Variants in TSEN15 observed in about 807,000 individuals in gnomAD.
TSEN15 encodes tRNA-splicing endonuclease subunit Sen15.
Under a neutral mutation model 20.5 loss-of-function variants are expected in TSEN15, and 10 were observed. That is an observed-to-expected ratio of 0.49 (90% CI 0.30 to 0.83). The LOEUF (loss-of-function observed/expected upper bound fraction) is 0.83. Among genes scored for constraint, TSEN15 ranks in the 40% least tolerant of loss-of-function variants. The pLI is 0.06. For missense variants in TSEN15, 180 were observed against 218.6 expected, an observed-to-expected ratio of 0.82 and a Z score of 1.11; for synonymous variants, 72 against 80.1, an observed-to-expected ratio of 0.90 and a Z score of 0.54.
chr1:184,061,389 G>A (rs1332611356), intron 3 of TSEN15, among the ~76,000 whole-genome samples: 2 of 152,096 alleles, frequency 1.3e-5, no homozygotes, highest in Non-Finnish European at 2.9e-5. Flanking sequence ...AGCATACACA[G>A]CTGTAGAGCC....
intron 3 of TSEN15, among the ~76,000 whole-genome samples, chr1:184,067,197 G>C (rs1650698756): frequency 7.0e-6 from 1 of 143,698 alleles, no homozygotes. Flanking sequence ...AGTAAACCCT[G>C]TCAATTCCTT....
At chr1:184,071,910 G>C (rs1650896223) in intron 3 of TSEN15, 1 of 383,902 alleles carries the variant, frequency 2.6e-6, no homozygotes, top group Non-Finnish European at 4.6e-6. Flanking sequence ...AACAATTTTG[G>C]AAAACTGTCA....
intron 3 of TSEN15, 52 bp from the exon 4 acceptor site, chr1:184,072,105 T>C: frequency 1.3e-6 from 2 of 1,575,502 alleles, no homozygotes; most frequent in South Asian, 2.4e-5. Flanking sequence ...CTGTCACATC[T>C]CATCTAATTG....
intron 3 of TSEN15, among the ~76,000 whole-genome samples, chr1:184,067,091 A>G (rs1011006226): frequency 2.0e-5 from 3 of 152,222 alleles, no homozygotes; most frequent in Non-Finnish European, 2.9e-5. Flanking sequence ...ATAGGAATAC[A>G]GTGGACTTTT....
At chr1:184,089,443 C>A (rs901275005) in intron 3 of TSEN15, among the ~76,000 whole-genome samples, 1 of 151,902 alleles carries the variant, frequency 6.6e-6, no homozygotes, top group African/African-American at 2.4e-5. Context: ...TGAGACCCTT[C>A]CCCCTTTTAG....
intron 3 of TSEN15, among the ~76,000 whole-genome samples, chr1:184,092,874 C>T (rs1213163012): frequency 2.0e-5 from 3 of 152,216 alleles, no homozygotes; most frequent in Non-Finnish European, 4.4e-5. Flanking sequence ...GACCTGAAAG[C>T]ACCGTTGTGT....
At chr1:184,068,447 G>C (rs1463002594) in intron 3 of TSEN15, among the ~76,000 whole-genome samples, 1 of 152,082 alleles carries the variant, frequency 6.6e-6, no homozygotes, top group East Asian at 1.9e-4. Flanking sequence ...CCTTCCCTCT[G>C]CTAGAAATCT....
At chr1:184,060,527 G>C (rs576530870) in intron 3 of TSEN15, among the ~76,000 whole-genome samples, 1 of 152,342 alleles carries the variant, frequency 6.6e-6, no homozygotes, top group East Asian at 1.9e-4. Context: ...GCAAGGAAGT[G>C]AGACTATTGT....
intron 3 of TSEN15, among the ~76,000 whole-genome samples, chr1:184,079,557 C>T (rs759938933): frequency 6.6e-6 from 1 of 151,890 alleles, no homozygotes; most frequent in African/African-American, 2.4e-5. Context: ...TGGGGCATGG[C>T]GAGATTGAGA....
At chr1:184,083,320 C>T (rs1261110459) in intron 3 of TSEN15, among the ~76,000 whole-genome samples, 2 of 152,158 alleles carry the variant, frequency 1.3e-5, no homozygotes, top group Non-Finnish European at 2.9e-5. Context: ...CATGCTTATG[C>T]TACAAGATCC....
At chr1:184,056,108 C>T (rs1387753516) in intron 3 of TSEN15, among the ~76,000 whole-genome samples, 2 of 152,140 alleles carry the variant, frequency 1.3e-5, no homozygotes, top group East Asian at 3.8e-4. Context: ...ATTTTTACAT[C>T]CACTCCCTCG....
At position 184,054,729 on chromosome 1, in the gene TSEN15, C is replaced by A; in HGVS notation, c.219C>A (p.Ser73Arg). The A allele has an allele frequency of 6.2e-7, 1 of 1,610,692 alleles. No individual in the cohort carries two copies. Among genetic ancestry groups the A allele is most frequent in the Non-Finnish European group, 8.5e-7 (1 of 1,179,370 alleles). Residue 73 changes from serine (S) to arginine (R), a missense_variant and splice_region_variant, in exon 3 of 5, where the codon AGC (serine) becomes AGA (arginine). Ser to Arg is a moderately radical substitution (Grantham distance 110). Transcript: ENST00000645668. The part of the protein sequence containing the change: ...AFLVYLDLME[S>R]KSWHEVNCVG... ...GTCCATTCAATGATGCTCTTTCAGG[C>A]AAAAGCTGGCATGAAGTAAACTGTG...
chr1:184,071,106 A>G (rs1650865668), intron 3 of TSEN15: 1 of 152,266 alleles, frequency 6.6e-6, no homozygotes, highest in South Asian at 2.1e-4. Flanking sequence ...TAATTGATTC[A>G]TATAATAATC....
At chr1:184,067,913 ACTCT>A (rs1294075479) in intron 3 of TSEN15, among the ~76,000 whole-genome samples, 1 of 117,360 alleles carries the variant, frequency 8.5e-6, no homozygotes, top group African/African-American at 3.5e-5. Flanking sequence ...ACAGAGCGAG[ACTCT>A]CTCTCTCAAA....
intron 3 of TSEN15, among the ~76,000 whole-genome samples, chr1:184,069,606 CAT>C (rs1377537731): frequency 6.6e-6 from 1 of 152,016 alleles, no homozygotes; most frequent in Non-Finnish European, 1.5e-5. Context: ...TCTTTACAAT[CAT>C]ATGTGGTTTT....
At chr1:184,070,592 CT>C in intron 3 of TSEN15, 2 of 1,113,792 alleles carry the variant, frequency 1.8e-6, no homozygotes, top group Non-Finnish European at 2.4e-6. Context: ...AAAAATGTAT[CT>C]TTTTCTATTA....
At chr1:184,092,837 AC>A (rs1651384379) in intron 3 of TSEN15, among the ~76,000 whole-genome samples, 1 of 152,086 alleles carries the variant, frequency 6.6e-6, no homozygotes, top group African/African-American at 2.4e-5. Flanking sequence ...TTTTTCTTCA[AC>A]TGCCCTGAGA....
chr1:184,057,254 AAGAGGATAGTGGAGG>A (rs1256074281), intron 3 of TSEN15, among the ~76,000 whole-genome samples: 1 of 152,136 alleles, frequency 6.6e-6, no homozygotes, highest in Non-Finnish European at 1.5e-5. Flanking sequence ...GGATGGATTC[AAGAGGATAGTGGAGG>A]AGAGTAATAT....
chr1:184,090,655 C>A (rs1245874888), intron 3 of TSEN15, among the ~76,000 whole-genome samples: 2 of 152,146 alleles, frequency 1.3e-5, no homozygotes, highest in Admixed American at 6.5e-5. Context: ...TGTGCCCAGC[C>A]AAAATTTTGC....
Sources: gnomAD v4.1 joint callset for allele counts (sites outside exome capture counted in the v4.1 genomes callset) on GRCh38, gnomAD v4.1.1 for gene constraint, MANE v1.5 for transcripts, NCBI Gene and HGNC (gene_info 2026-07-23, HGNC 2026-07-21) for gene names.